Variants in CRB2 observed in about 807,000 individuals in gnomAD.
CRB2 encodes the protein crumbs cell polarity complex component 2.
In CRB2, 85 loss-of-function variants were observed where a neutral mutation model predicts 110.9. The observed-to-expected ratio is 0.77, with a 90% CI of 0.64 to 0.92. The LOEUF is 0.92. Ranked by LOEUF, CRB2 falls within the 40% of genes least tolerant of loss-of-function variation. The pLI is 0.00. For missense variants in CRB2, 1,843 were observed against 1,851.3 expected (o/e 1.00, Z 0.08); for synonymous variants, 907 against 831.0 (o/e 1.09, Z -1.57).
chr9:123,367,156 G>T lies in CRB2; in HGVS notation c.755-16G>T, dbSNP rs373916052. On this transcript the variant is annotated splice_polypyrimidine_tract_variant and intron_variant, in intron 4 of 12. Transcript: ENST00000373631. ...CAACCCCGTGAGACCTGATGTCCGCGTGTGTGTGCCCCCAGGCTACAGCGG... is the reference window on the plus strand; with the variant it reads ...CAACCCCGTGAGACCTGATGTCCGCTTGTGTGTGCCCCCAGGCTACAGCGG... 5.7e-6 allele frequency: 9 copies of T among 1,568,382 alleles called. No individual in the cohort carries two copies. The highest frequency in any genetic ancestry group is 1.7e-4 in the Middle Eastern group (1 of 5,938).
upstream of CRB2, among the ~76,000 whole-genome samples, chr9:123,356,019 G>T (rs954694845): frequency 6.6e-6 from 1 of 151,896 alleles, no homozygotes; most frequent in Non-Finnish European, 1.5e-5. Context: ...TGGGTGCCAA[G>T]ACCAGGTCAG....
At chr9:123,363,502 C>T (rs2041893691) in intron 2 of CRB2, among the ~76,000 whole-genome samples, 1 of 152,168 alleles carries the variant, frequency 6.6e-6, no homozygotes, top group South Asian at 2.1e-4. Context: ...GCAGTGTGAA[C>T]CTGCCTGGCG....
chr9:123,379,902 C>T (rs1425130791), downstream of CRB2: 3 of 152,350 alleles, frequency 2.0e-5, no homozygotes, highest in East Asian at 1.9e-4. Flanking sequence ...GCTGAAACAC[C>T]TAAGTGCCCA....
At chr9:123,379,021 G>T (rs1198214402), downstream of CRB2, among the ~76,000 whole-genome samples, 1 of 151,730 alleles carries the variant, frequency 6.6e-6, no homozygotes, top group East Asian at 1.9e-4. Flanking sequence ...ACTCCTGACC[G>T]ACCTCGTGAT....
At chr9:123,371,654 T>C in intron 8 of CRB2, 76 bp downstream of exon 8, 1 of 1,583,694 alleles carries the variant, frequency 6.3e-7, no homozygotes, top group Non-Finnish European at 8.6e-7. Context: ...CACCGGGGCT[T>C]AGTGTGTCCT....
intron 1 of CRB2, among the ~76,000 whole-genome samples, chr9:123,357,371 C>T (rs1358304003): frequency 2.6e-5 from 4 of 152,016 alleles, no homozygotes; most frequent in Non-Finnish European, 5.9e-5. Flanking sequence ...TCTCCTGAGG[C>T]TGGGGGAGCC....
At chr9:123,376,782 C>T in intron 12 of CRB2, 56 bp from the exon 13 acceptor site, 1 of 1,476,892 alleles carries the variant, frequency 6.8e-7, no homozygotes, top group African/African-American at 1.4e-5. Flanking sequence ...TCTCTGAGGG[C>T]CCCGGCGTCC....
chr9:123,376,853 C>A lies in CRB2; in HGVS notation c.3649C>A (p.Pro1217Thr). The A allele has an allele frequency of 1.2e-6, 2 of 1,608,142 alleles. No individual in the cohort carries two copies. The highest frequency in any genetic ancestry group is 2.2e-5 in the South Asian group (2 of 90,086). Residue 1217 changes from proline (P) to threonine (T), a missense_variant, in exon 13 of 13, where the codon CCG (proline) becomes ACG (threonine). Pro to Thr is a conservative substitution (Grantham distance 38, BLOSUM62 -1). Coordinates refer to ENST00000373631, the MANE Select transcript of CRB2 (RefSeq NM_173689.7). ...TCTCTTGCAGAAGGGCCTGCCCCTG[C>A]CGCTGCCATTCCCACTGCTGGAGGT... is the stretch of plus-strand genomic sequence containing the variant. The part of the protein sequence containing the change: ...FCEVAKGLPL[P>T]LPFPLLEVAV...
intron 7 of CRB2, 43 bp from the exon 8 acceptor site, chr9:123,371,024 TCCC>T: frequency 6.3e-7 from 1 of 1,595,744 alleles, no homozygotes; most frequent in Non-Finnish European, 8.6e-7. Flanking sequence ...GAGATCTGCC[TCCC>T]TCAGCCTGCA....
At position 123,370,965 on chromosome 9, in the gene CRB2, C is replaced by T. The variant is rs1383031137; in HGVS notation, c.1912C>T (p.Pro638Ser). Residue 638 changes from proline (P) to serine (S), a missense_variant, in exon 7 of 13, where the codon CCC becomes TCC. Physicochemically the swap from Pro to Ser is moderately conservative, Grantham distance 74. Coordinates refer to ENST00000373631, the MANE Select transcript of CRB2 (RefSeq NM_173689.7). ...RCDCARPHRG[P>S]TCADEIPAAT... is the part of the protein sequence containing the mutation. ...CGACTGTGCCCGGCCCCATAGAGGT[C>T]CCACGTGCGCTGATGGTGAGGAATA... The T allele has an allele frequency of 5.0e-6, 8 of 1,604,320 alleles. No individual in the cohort carries two copies. The highest frequency in any genetic ancestry group is 6.8e-6 in the Non-Finnish European group (8 of 1,173,598).
Position 123,367,429 on chromosome 9 carries a change from A to AC in CRB2, c.940+80dup, listed in dbSNP as rs10537052. 2.1e-4 allele frequency: 197 copies of AC among 924,716 alleles called. 1 individual carries two copies. The highest frequency in any genetic ancestry group is 3.6e-4 in the Middle Eastern group (1 of 2,758). 57.3% of individuals were successfully genotyped at this position (924,716 alleles called of 1,614,324 possible). A position where few individuals can be genotyped will look rare whatever the true frequency, so the allele number is the denominator to read the frequency against. On this transcript the variant is annotated intron_variant, in intron 5 of 12. Transcript: ENST00000373631. ...GGAGGGATCTTGTGCCCACCCCCCC[A>AC]CCCCCCCCACCCCCCCACCCCACAC...
downstream of CRB2, chr9:123,379,682 G>GCACA (rs2042179098): frequency 6.6e-6 from 1 of 152,294 alleles, no homozygotes; most frequent in African/African-American, 2.4e-5. Context: ...TTTATTGAAT[G>GCACA]CACACAAAGT....
rs764323530 is a variant in CRB2 at position 123,375,376 on chromosome 9, G to A, written c.3633+33G>A. On this transcript the variant is annotated intron_variant, in intron 12 of 12. Transcript: ENST00000373631. ...TTGTCAGGGGTGAGGGGCCGTGGAC[G>A]TGGCCTGCTGGGCCCTTGGCGAGAT... 1.9e-5 allele frequency: 30 copies of A among 1,548,514 alleles called. No individual in the cohort carries two copies. In the Middle Eastern group the frequency reaches 6.9e-4, roughly 36 times the overall value.
intron 4 of CRB2, among the ~76,000 whole-genome samples, chr9:123,366,768 T>C (rs907975029): frequency 2.0e-5 from 3 of 151,846 alleles, no homozygotes; most frequent in East Asian, 1.9e-4. Context: ...CTGGCCAACA[T>C]TGTGAAACCC....
At chr9:123,357,510 G>A (rs1159350372) in intron 1 of CRB2, among the ~76,000 whole-genome samples, 1 of 152,126 alleles carries the variant, frequency 6.6e-6, no homozygotes, top group Non-Finnish European at 1.5e-5. Context: ...GGGCCCTAGG[G>A]AGGATGAGGA....
At chr9:123,375,445 C>G in intron 12 of CRB2, 102 bp downstream of exon 12, 1 of 1,370,202 alleles carries the variant, frequency 7.3e-7, no homozygotes, top group Non-Finnish European at 9.6e-7. Context: ...GTTCCTGGGC[C>G]ACTCTGTCAT....
Position 123,371,556 on chromosome 9 carries a change from G to C in CRB2, c.2414G>C (p.Cys805Ser). 6.2e-7 allele frequency: 1 copy of C among 1,613,040 alleles called. No individual in the cohort carries two copies. Among genetic ancestry groups the C allele is most frequent in the Non-Finnish European group, 8.5e-7 (1 of 1,180,040 alleles). ...CAGTCCTGGAACCTCACTGCGGGCT[G>C]CGTCTCCGAGGACATGTGCAGTGTA... The part of the protein sequence containing the change: ...GRQSWNLTAG[C>S]VSEDMCSPDP... Residue 805 changes from cysteine to serine, a missense_variant, in exon 8 of 13, where the codon TGC becomes TCC. Cys to Ser is a moderately radical substitution (Grantham distance 112). Coordinates refer to ENST00000373631, the MANE Select transcript of CRB2 (RefSeq NM_173689.7).
At chr9:123,368,677 G>T (rs2041970008) in intron 6 of CRB2, 1 of 744,570 alleles carries the variant, frequency 1.3e-6, no homozygotes, top group South Asian at 3.0e-5. Flanking sequence ...AGACCTCTGA[G>T]GTCAGAGCCA....
chr9:123,367,780 A>G, intron 6 of CRB2, 94 bp downstream of exon 6: 1 of 857,314 alleles, frequency 1.2e-6, no homozygotes, highest in Non-Finnish European at 1.8e-6. Context: ...TGATGGGGTC[A>G]AGGAGATCAG....
Sources: allele counts gnomAD v4.1 joint callset (sites outside exome capture counted in the v4.1 genomes callset), GRCh38; gene constraint gnomAD v4.1.1; transcripts MANE v1.5; gene names NCBI Gene and HGNC (gene_info 2026-07-23, HGNC 2026-07-21).